The following HGFAC variants were observed in gnomAD, a reference collection of about 807,000 sequenced individuals.
The protein encoded by HGFAC is HGF activator.
In HGFAC, 76 loss-of-function variants were observed where a neutral mutation model predicts 70.6. The ratio of observed to expected loss-of-function variants is 1.08; its 90% CI spans 0.89 to 1.30. HGFAC has a LOEUF of 1.30. Ranked by LOEUF, HGFAC falls within the 50% of genes most tolerant of loss-of-function variation. HGFAC has a pLI of 0.00. For synonymous variants in HGFAC, 464 were observed against 405.3 expected, an observed-to-expected ratio of 1.14 and a Z score of -1.74; for missense variants, 1,044 against 933.7, an observed-to-expected ratio of 1.12 and a Z score of -1.54.
chr4:3,444,961 C>T lies in HGFAC; in HGVS notation c.984C>T (p.Ala328=), dbSNP rs573243423. 8 of 1,603,406 alleles carry T rather than the reference C, an allele frequency of 5.0e-6. No homozygotes were observed. The highest frequency in any genetic ancestry group is 1.3e-5 in the African/African-American group (1 of 74,830). ...ACGTGGACTCCGTGGGCGCCGCGGC[C>T]CTGCTGGGCCTGGGCCCCCATGCCT... is the stretch of plus-strand genomic sequence containing the variant. ...ELHVDSVGAA[A]LLGLGPHAYC... The change falls in exon 8 of 14, where the codon GCC becomes GCT. Residue 328 remains alanine (A), a synonymous_variant. Coordinates refer to ENST00000382774, the MANE Select transcript of HGFAC (RefSeq NM_001528.4).
intron 12 of HGFAC, 24 bp from the exon 13 acceptor site, chr4:3,448,104 C>T (rs762497071): frequency 1.6e-5 from 25 of 1,572,866 alleles, no homozygotes; most frequent in Admixed American, 3.7e-5. Flanking sequence ...GTGGGTGTCA[C>T]GCTGAGGGCA....
upstream of HGFAC, among the ~76,000 whole-genome samples, chr4:3,441,521 G>A (rs1725311318): frequency 6.6e-6 from 1 of 152,080 alleles, no homozygotes; most frequent in South Asian, 2.1e-4. The surrounding 1 kb of genome is among the most constrained non-coding windows in gnomAD (Gnocchi z 6.0). Context: ...TGCCGTCTGT[G>A]GGACAGGGAC....
In HGFAC at chr4:3,445,366, G is replaced by T. The variant is rs1165555313; in HGVS notation, c.1102+16G>T. ...GAGGCCTGCGGTGCGCGGCTGGCGG[G>T]GGGTGCTGCCTTGGGCCCCACCGAG... On this transcript the variant is annotated intron_variant, in intron 9 of 13. Coordinates refer to ENST00000382774, the MANE Select transcript of HGFAC (RefSeq NM_001528.4). The T allele has an allele frequency of 2.6e-6, 4 of 1,547,868 alleles. No homozygotes were observed. Among genetic ancestry groups the T allele is most frequent in the African/African-American group, 2.7e-5 (2 of 73,156 alleles).
In HGFAC at chr4:3,444,409, G is replaced by T. The variant is rs761535026; in HGVS notation, c.697G>T (p.Gly233Cys). The change falls in exon 6 of 14, where the codon GGC becomes TGC. Residue 233 changes from glycine to cysteine, a missense_variant. Gly to Cys is a radical substitution (Grantham distance 159). Coordinates refer to ENST00000382774, the MANE Select transcript of HGFAC (RefSeq NM_001528.4). Reference protein sequence around the residue: ...GHVEQCECFGGRTWCEGTRHT... With the variant: ...GHVEQCECFGCRTWCEGTRHT... Reference sequence around the variant, plus strand: ...CGTGGAACAGTGCGAGTGCTTCGGGGGCCGGACCTGGTGCGAAGGCACCCG... The same window carrying T: ...CGTGGAACAGTGCGAGTGCTTCGGGTGCCGGACCTGGTGCGAAGGCACCCG... 10 of 1,603,458 alleles carry T rather than the reference G, an allele frequency of 6.2e-6. No homozygotes were observed. The South Asian group carries it at 1.1e-4, about 18-fold the overall frequency.
In HGFAC at chr4:3,443,332, G is replaced by A. The variant is rs979273394; in HGVS notation, c.396-9G>A. On this transcript the variant is annotated splice_polypyrimidine_tract_variant and intron_variant, in intron 3 of 13. Transcript: ENST00000382774. Reference sequence around the variant, plus strand: ...TGGGACCCCCATGCACGCAGGTGTCGCCCCCCAGGTGTGCCACAACTCACA... The same window carrying A: ...TGGGACCCCCATGCACGCAGGTGTCACCCCCCAGGTGTGCCACAACTCACA... 2.1e-5 allele frequency: 32 copies of A among 1,541,198 alleles called. No homozygotes were observed. The highest frequency in any genetic ancestry group is 1.4e-4 in the African/African-American group (10 of 72,772).
Position 3,444,568 on chromosome 4 carries a change from C to T in HGFAC, c.731-55C>T, listed in dbSNP as rs986096524. On this transcript the variant is annotated intron_variant, in intron 6 of 13. Coordinates refer to ENST00000382774, the MANE Select transcript of HGFAC (RefSeq NM_001528.4). ...AAGGGGTGGACCCCGGCCCCGACTC[C>T]GCTGTCGTGGGGCACTGCGCGGCCC... is the stretch of plus-strand genomic sequence containing the variant. The T allele has an allele frequency of 4.7e-5, 72 of 1,516,892 alleles. No homozygotes were observed. In the Admixed American group the frequency reaches 6.7e-4, roughly 14 times the overall value. 94.0% of individuals were successfully genotyped at this position (1,516,892 alleles called of 1,614,324 possible).
At chr4:3,444,594 C>CA in intron 6 of HGFAC, 29 bp from the exon 7 acceptor site, 1 of 1,563,008 alleles carries the variant, frequency 6.4e-7, no homozygotes. Flanking sequence ...TGCGCGGCCC[C>CA]TGGCCCAGCT....
rs1725435450 is a variant in HGFAC, at chr4:3,444,705, A to G, written c.813A>G (p.Pro271=). The G allele has an allele frequency of 1.3e-6, 2 of 1,596,660 alleles. No individual in the cohort carries two copies. The highest frequency in any genetic ancestry group is 2.2e-5 in the South Asian group (2 of 90,026). Residue 271 remains proline, a synonymous_variant, in exon 7 of 14, where the codon CCA becomes CCG. Coordinates refer to ENST00000382774, the MANE Select transcript of HGFAC (RefSeq NM_001528.4). ...ATGTTVCACP[P]GFAGRLCNIE... ...GGACCACCGTGTGTGCCTGCCCACC[A>G]GGCTTCGCTGGACGGCTCTGCAACA...
chr4:3,445,730 C>G (rs976840775), intron 9 of HGFAC: 1 of 802,930 alleles, frequency 1.2e-6, no homozygotes, highest in Non-Finnish European at 2.0e-6. Flanking sequence ...CGGGGCCAGC[C>G]CGGGGCTCTC....
upstream of HGFAC, chr4:3,441,957 G>A (rs769465188): frequency 2.1e-5 from 24 of 1,162,756 alleles, no homozygotes; most frequent in Admixed American, 8.9e-5. This position sits in a 1 kb window ranked among gnomAD's most constrained non-coding sequence, Gnocchi z 6.0. Flanking sequence ...TGCCTTGGCC[G>A]CTCTGCTCCC....
chr4:3,442,560 G>C (rs1039617684), intron 1 of HGFAC, among the ~76,000 whole-genome samples, 172 bp from the exon 2 acceptor site: 3 of 152,162 alleles, frequency 2.0e-5, no homozygotes, highest in African/African-American at 7.2e-5. Context: ...CCGAGGGCGG[G>C]GAAGGTGTCA....
chr4:3,441,083 C>T (rs1320437219), upstream of HGFAC, among the ~76,000 whole-genome samples: 2 of 152,114 alleles, frequency 1.3e-5, no homozygotes, highest in East Asian at 1.9e-4. The surrounding 1 kb of genome is among the most constrained non-coding windows in gnomAD (Gnocchi z 6.0). Context: ...CCCGAGGTGC[C>T]GTAGCGGCTG....
intron 10 of HGFAC, 21 bp from the exon 11 acceptor site, chr4:3,447,471 C>G (rs1213369373): frequency 6.2e-7 from 1 of 1,611,082 alleles, no homozygotes. Flanking sequence ...GTCCATGCAG[C>G]CTCCAGCCCC....
chr4:3,443,288 G>T, intron 3 of HGFAC, 53 bp from the exon 4 acceptor site: 4 of 1,466,732 alleles, frequency 2.7e-6, no homozygotes, highest in Non-Finnish European at 3.7e-6. Context: ...GTGGTGGGGT[G>T]GGGTGGGGGG....
rs1176843478 is a variant in HGFAC at position 3,443,152 on chromosome 4, T to A, written c.395+6T>A. 5.9e-6 allele frequency: 9 copies of A among 1,521,632 alleles called. No homozygotes were observed. Among genetic ancestry groups the A allele is most frequent in the Non-Finnish European group, 7.9e-6 (9 of 1,137,494 alleles). The allele number at this position is 1,521,632 out of a possible 1,614,324, so 94.3% of individuals were successfully genotyped here. A position where few individuals can be genotyped will look rare whatever the true frequency, so the allele number is the denominator to read the frequency against. ...GGCAGTGCACACAGGAAGTGGTGGG[T>A]CCGGGCAGCCGGGGCACCCGAGCTG... On this transcript the variant is annotated splice_donor_region_variant and intron_variant, in intron 3 of 13. Coordinates refer to ENST00000382774, the MANE Select transcript of HGFAC (RefSeq NM_001528.4).
At chr4:3,449,201 C>T (rs757444956) in intron 13 of HGFAC, 36 bp from the exon 14 acceptor site, 1 of 1,591,326 alleles carries the variant, frequency 6.3e-7, no homozygotes, top group African/African-American at 1.4e-5. Flanking sequence ...GAACCAGGCC[C>T]CTGGGAGGGT....
At position 3,442,907 on chromosome 4, in the gene HGFAC, C is replaced by G. The variant is rs976540577; in HGVS notation, c.293C>G (p.Ala98Gly). 3.5e-5 allele frequency: 54 copies of G among 1,563,838 alleles called. No individual in the cohort carries two copies. The highest frequency in any genetic ancestry group is 4.5e-5 in the Non-Finnish European group (52 of 1,156,530). The change falls in exon 2 of 14, where the codon GCC becomes GGC. Residue 98 changes from alanine (A) to glycine (G), a missense_variant. Coordinates refer to ENST00000382774, the MANE Select transcript of HGFAC (RefSeq NM_001528.4). The part of the protein sequence containing the change: ...RAVPSSSSPQ[A>G]QALTEDGRPC... ...GTTCCCTCGAGCAGTAGCCCCCAGG[C>G]CCAAGGTGGGTCAGGTGGGCCTGGG...
intron 1 of HGFAC, 95 bp downstream of exon 1, chr4:3,442,213 G>C (rs770249357): frequency 1.7e-5 from 15 of 901,588 alleles, no homozygotes; most frequent in Non-Finnish European, 1.8e-5. Context: ...CACAGAGCGT[G>C]GGGATTTGAG....
rs147729803 is a variant in HGFAC at position 3,445,247 on chromosome 4, C to T, written c.1017-18C>T. On this transcript the variant is annotated intron_variant, in intron 8 of 13. Coordinates refer to ENST00000382774, the MANE Select transcript of HGFAC (RefSeq NM_001528.4). ...GGGGCAGTGTGACTCCCTGCCAGCC[C>T]CCACTTATGCACCGCAGGAATCCGG... The T allele has an allele frequency of 7.9e-5, 122 of 1,553,658 alleles. No individual in the cohort carries two copies. The highest frequency in any genetic ancestry group is 1.0e-4 in the Non-Finnish European group (115 of 1,147,060).
Sources: gnomAD v4.1 joint callset for allele counts (sites outside exome capture counted in the v4.1 genomes callset) on GRCh38, gnomAD v4.1.1 for gene constraint, Gnocchi (gnomAD v3.1) non-coding constraint, MANE v1.5 for transcripts, NCBI Gene and HGNC (gene_info 2026-07-23, HGNC 2026-07-21) for gene names.